Variants in ASPH observed in about 807,000 individuals in gnomAD.
ASPH encodes aspartate beta-hydroxylase.
Under a neutral mutation model 118.4 loss-of-function variants are expected in ASPH, and 100 were observed. The ratio of observed to expected loss-of-function variants is 0.84; its 90% CI spans 0.72 to 1.00. ASPH has a LOEUF of 1.00. Ranked by LOEUF, ASPH falls within the 50% of genes least tolerant of loss-of-function variation. The pLI is 0.00. For missense variants in ASPH, 920 were observed against 919.5 expected (o/e 1.00, Z -0.01); for synonymous variants, 315 against 325.6 (o/e 0.97, Z 0.35).
At chr8:61,672,732 G>A (rs1823239967) in intron 3 of ASPH, among the ~76,000 whole-genome samples, 1 of 152,064 alleles carries the variant, frequency 6.6e-6, no homozygotes, top group Non-Finnish European at 1.5e-5. Flanking sequence ...AGTATTACAG[G>A]GTCATCTCAA....
chr8:61,584,280 C>T (rs1838571326), intron 14 of ASPH, among the ~76,000 whole-genome samples: 1 of 152,196 alleles, frequency 6.6e-6, no homozygotes, highest in Admixed American at 6.5e-5. Flanking sequence ...GGATAGTATA[C>T]TGAAACTCTC....
chr8:61,630,410 G>A (rs1414301153), intron 13 of ASPH, among the ~76,000 whole-genome samples: 2 of 152,170 alleles, frequency 1.3e-5, no homozygotes, highest in Non-Finnish European at 2.9e-5. Flanking sequence ...GATTTATGAA[G>A]ATTGCACAAG....
chr8:61,678,197 C>T lies in ASPH; in HGVS notation c.322+2771G>A, dbSNP rs147334808. Among the ~76,000 whole-genome samples, 219 of 152,184 alleles carry T rather than the reference C, an allele frequency of 1.4e-3. 1 individual carries two copies. Among genetic ancestry groups the T allele is most frequent in the African/African-American group, 4.5e-3 (187 of 41,518 alleles). Reference sequence around the variant, plus strand: ...TGATACGATGCCAGCTAGGTGCTAGCCATAGGACAAAAGGACAACCACATG... The same window carrying T: ...TGATACGATGCCAGCTAGGTGCTAGTCATAGGACAAAAGGACAACCACATG... On this transcript the variant is annotated intron_variant, in intron 3 of 24. Coordinates refer to ENST00000379454, the MANE Select transcript of ASPH (RefSeq NM_004318.4).
At chr8:61,509,803 G>T (rs549176153) in intron 24 of ASPH, among the ~76,000 whole-genome samples, 1 of 152,064 alleles carries the variant, frequency 6.6e-6, no homozygotes, top group Non-Finnish European at 1.5e-5. Flanking sequence ...TGTGAGTAGG[G>T]GGGGAGGGTC....
At chr8:61,553,836 T>C (rs551403472) in intron 19 of ASPH, among the ~76,000 whole-genome samples, 5 of 152,350 alleles carry the variant, frequency 3.3e-5, no homozygotes, top group Admixed American at 6.5e-5. Flanking sequence ...GTTAAAAATA[T>C]GTAAATGTCA....
intron 3 of ASPH, among the ~76,000 whole-genome samples, chr8:61,666,358 CT>C (rs1266975811): frequency 6.6e-6 from 1 of 152,176 alleles, no homozygotes; most frequent in African/African-American, 2.4e-5. Flanking sequence ...TTGCTTTCAA[CT>C]TGCTTTACAT....
intron 22 of ASPH, among the ~76,000 whole-genome samples, chr8:61,520,153 A>G (rs1306987434): frequency 6.6e-6 from 1 of 152,220 alleles, no homozygotes; most frequent in African/African-American, 2.4e-5. Flanking sequence ...ATATTCTATG[A>G]TTAACTGTCA....
chr8:61,568,797 C>T (rs1563852638), intron 16 of ASPH, among the ~76,000 whole-genome samples: 1 of 152,106 alleles, frequency 6.6e-6, no homozygotes, highest in African/African-American at 2.4e-5. Flanking sequence ...GAGGGAGCAC[C>T]ACAGTACTGC....
intron 15 of ASPH, 31 bp from the exon 16 acceptor site, chr8:61,576,889 A>G (rs1160666865): frequency 6.6e-7 from 1 of 1,522,574 alleles, no homozygotes; most frequent in Non-Finnish European, 9.0e-7. Context: ...CATAAATAAA[A>G]TAAATTAAAA....
chr8:61,563,079 C>T (rs1281162644), intron 17 of ASPH, among the ~76,000 whole-genome samples, 199 bp from the exon 18 acceptor site: 1 of 151,852 alleles, frequency 6.6e-6, no homozygotes, highest in Non-Finnish European at 1.5e-5. Flanking sequence ...TAAGTAGATA[C>T]TGAATATGGT....
At chr8:61,598,704 T>C (rs928575272) in intron 14 of ASPH, among the ~76,000 whole-genome samples, 6 of 152,210 alleles carry the variant, frequency 3.9e-5, no homozygotes, top group African/African-American at 9.6e-5. Context: ...CTTCTTCTTG[T>C]CAGCACTTGG....
intron 24 of ASPH, among the ~76,000 whole-genome samples, chr8:61,506,330 C>T (rs1037636732): frequency 2.0e-5 from 3 of 151,786 alleles, no homozygotes; most frequent in Non-Finnish European, 2.9e-5. Flanking sequence ...GGTGGGAGGA[C>T]GGGAATGGGA....
rs535808324 is a variant in ASPH at position 61,669,767 on chromosome 8, G to A, written c.322+11201C>T. On this transcript the variant is annotated intron_variant, in intron 3 of 24. Transcript: ENST00000379454. ...CAGAACCAGATTTTCCTATTAAAAC[G>A]TAGAGTGAGGAAACCCAGACTGCCC... 5.9e-5 allele frequency among the ~76,000 whole-genome samples: 9 copies of A among 152,194 alleles called. No homozygotes were observed. The East Asian group carries it at 9.7e-4, about 16-fold the overall frequency.
chr8:61,686,690 T>C (rs1383975290), intron 1 of ASPH, among the ~76,000 whole-genome samples: 1 of 152,142 alleles, frequency 6.6e-6, no homozygotes, highest in East Asian at 1.9e-4. Flanking sequence ...AATATGGAAT[T>C]ATAGTAGCTA....
At chr8:61,550,056 A>G (rs947816155) in intron 20 of ASPH, among the ~76,000 whole-genome samples, 1 of 152,316 alleles carries the variant, frequency 6.6e-6, no homozygotes, top group East Asian at 1.9e-4. Context: ...CTCCTGTCAT[A>G]TAAATTTTAG....
At chr8:61,519,683 G>GGA (rs72537043) in intron 22 of ASPH, among the ~76,000 whole-genome samples, 3 of 151,522 alleles carry the variant, frequency 2.0e-5, no homozygotes, top group Non-Finnish European at 4.4e-5. Context: ...TGTGGGAGGA[G>GGA]GCAGATGAGT....
intron 24 of ASPH, among the ~76,000 whole-genome samples, chr8:61,509,690 G>T (rs1376567059): frequency 1.3e-5 from 2 of 152,124 alleles, no homozygotes; most frequent in Non-Finnish European, 2.9e-5. Context: ...GAGCTGCTCT[G>T]GTTCAAATGC....
At chr8:61,705,218 G>A (rs575057667) in intron 1 of ASPH, among the ~76,000 whole-genome samples, 2 of 152,184 alleles carry the variant, frequency 1.3e-5, no homozygotes, top group African/African-American at 4.8e-5. Flanking sequence ...CACAAAGAAG[G>A]GAACAACAGA....
Position 61,680,947 on chromosome 8 carries a change from A to G in ASPH, c.322+21T>C, listed in dbSNP as rs201844480. ...CCAGCATTTTATCACCACTAACAAA[A>G]AACATAAAATGTGTACTTGCCTAAT... On this transcript the variant is annotated intron_variant, in intron 3 of 24. Transcript: ENST00000379454. The G allele has an allele frequency of 1.0e-4, 161 of 1,570,046 alleles. 1 individual carries two copies. Among genetic ancestry groups the G allele is most frequent in the Admixed American group, 2.4e-4 (13 of 54,238 alleles).
Sources: gnomAD v4.1 joint callset for allele counts (sites outside exome capture counted in the v4.1 genomes callset) on GRCh38, gnomAD v4.1.1 for gene constraint, MANE v1.5 for transcripts, NCBI Gene and HGNC (gene_info 2026-07-23, HGNC 2026-07-21) for gene names.